The following NCOA5 variants were observed in gnomAD, a reference collection of about 807,000 sequenced individuals.
The protein encoded by NCOA5 is NCoA-5.
Under a neutral mutation model 59.0 loss-of-function variants are expected in NCOA5, and 12 were observed. The observed-to-expected ratio is 0.20, with a 90% CI of 0.13 to 0.33. The LOEUF (loss-of-function observed/expected upper bound fraction) is 0.33. NCOA5 is among the 10% of genes least tolerant of loss of function. The probability of loss-of-function intolerance (pLI) is 1.00; values close to 1 mark genes in which losing one functional copy is unlikely to be tolerated. For synonymous variants in NCOA5, 270 were observed against 275.5 expected (o/e 0.98, Z 0.20); for missense variants, 655 against 766.6 (o/e 0.85, Z 1.72).
chr20:46,084,233 G>A (rs1438448951), intron 1 of NCOA5, among the ~76,000 whole-genome samples: 1 of 152,170 alleles, frequency 6.6e-6, no homozygotes, highest in East Asian at 1.9e-4. Flanking sequence ...TTAAGTGACA[G>A]GCCACACAAT....
intron 4 of NCOA5, among the ~76,000 whole-genome samples, chr20:46,068,218 G>C (rs2084844618): frequency 6.6e-6 from 1 of 152,200 alleles, no homozygotes; most frequent in African/African-American, 2.4e-5. Flanking sequence ...ACAGGTGGTG[G>C]CCACAGTGAC....
At chr20:46,077,534 G>C (rs185819365) in intron 2 of NCOA5, among the ~76,000 whole-genome samples, 1 of 152,276 alleles carries the variant, frequency 6.6e-6, no homozygotes, top group African/African-American at 2.4e-5. Flanking sequence ...CTTATTTGTT[G>C]TTGTTGTTTT....
intron 5 of NCOA5, among the ~76,000 whole-genome samples, 173 bp downstream of exon 5, chr20:46,066,882 T>C (rs945438160): frequency 1.3e-5 from 2 of 152,234 alleles, no homozygotes; most frequent in East Asian, 1.9e-4. Flanking sequence ...ATGTCCCTTT[T>C]GGCCTCAATT....
intron 1 of NCOA5, among the ~76,000 whole-genome samples, chr20:46,081,180 G>A (rs1162380200): frequency 1.3e-5 from 2 of 152,040 alleles, no homozygotes; most frequent in Non-Finnish European, 2.9e-5. Flanking sequence ...TTCAGCAGGA[G>A]TTCATATATT....
intron 1 of NCOA5, among the ~76,000 whole-genome samples, chr20:46,085,499 T>TG (rs1380344002): frequency 6.9e-6 from 1 of 144,764 alleles, no homozygotes; most frequent in African/African-American, 2.6e-5. Flanking sequence ...ATGGAGGGGG[T>TG]GGGGGTGAAT....
chr20:46,062,391 C>T lies in NCOA5; in HGVS notation c.1649G>A (p.Ser550Asn). ...AACCAGGTGGGAGAGAGCAGGGCCACTCTGGATCAGGGTATCCAGAGCCTT... is the reference window on the plus strand; with the variant it reads ...AACCAGGTGGGAGAGAGCAGGGCCATTCTGGATCAGGGTATCCAGAGCCTT... ...VQKALDTLIQ[S>N]GPALSHLVSQ... is the part of the protein sequence containing the mutation. The change falls in exon 8 of 8, where the codon AGT becomes AAT. Residue 550 changes from serine (S) to asparagine (N), a missense_variant. This residue lies in a region of NCOA5 where 325 missense variants were observed against 353.2 expected (regional missense o/e 0.92). Transcript: ENST00000290231. 1 of 1,614,180 alleles carries T rather than the reference C, an allele frequency of 6.2e-7. No individual in the cohort carries two copies. The highest frequency in any genetic ancestry group is 8.5e-7 in the Non-Finnish European group (1 of 1,180,030).
intron 1 of NCOA5, among the ~76,000 whole-genome samples, chr20:46,084,476 A>G (rs1242585031): frequency 7.9e-5 from 12 of 152,240 alleles, no homozygotes; most frequent in Admixed American, 5.2e-4. Flanking sequence ...TACTTATTCA[A>G]TGACGACTTC....
chr20:46,074,381 C>A (rs1038648282), intron 2 of NCOA5, among the ~76,000 whole-genome samples: 7 of 152,122 alleles, frequency 4.6e-5, no homozygotes, highest in Non-Finnish European at 1.0e-4. Flanking sequence ...AATATCATCC[C>A]ACAGCACCAG....
At chr20:46,089,690 G>A (rs1338155758) in intron 1 of NCOA5, 127 bp downstream of exon 1, 5 of 152,078 alleles carry the variant, frequency 3.3e-5, no homozygotes, top group Admixed American at 2.6e-4. Context: ...CCGGAGAGGA[G>A]CCGAGACCGT....
At position 46,062,162 on chromosome 20, in the gene NCOA5, G is replaced by C. The variant is rs1037953165; in HGVS notation, c.*138C>G. 1 of 638,578 alleles carries C rather than the reference G, an allele frequency of 1.6e-6. No individual in the cohort carries two copies. Among genetic ancestry groups the C allele is most frequent in the Non-Finnish European group, 2.7e-6 (1 of 372,654 alleles). The allele number at this position is 638,578 out of a possible 1,614,324, so 39.6% of individuals were successfully genotyped here. ...GCAACACAGCCTTGGGCAGAAGAGA[G>C]AGCAGGTGGTAGAAATTGATGACAC... is the stretch of plus-strand genomic sequence containing the variant. On this transcript the variant is annotated 3_prime_UTR_variant, in exon 8 of 8. Coordinates refer to ENST00000290231, the MANE Select transcript of NCOA5 (RefSeq NM_020967.3).
chr20:46,077,217 C>T lies in NCOA5; in HGVS notation c.38+2170G>A, dbSNP rs369361474. 2.6e-5 allele frequency among the ~76,000 whole-genome samples: 4 copies of T among 152,090 alleles called. No homozygotes were observed. In the South Asian group the frequency reaches 6.2e-4, roughly 24 times the overall value. ...GGGCCACTGTGCCTGGCTAGAAGCT[C>T]ATTTTATAAGGCCCTCTCCAGTGCT... On this transcript the variant is annotated intron_variant, in intron 2 of 7. Coordinates refer to ENST00000290231, the MANE Select transcript of NCOA5 (RefSeq NM_020967.3).
At chr20:46,085,240 T>C (rs187184481) in intron 1 of NCOA5, among the ~76,000 whole-genome samples, 4 of 152,106 alleles carry the variant, frequency 2.6e-5, no homozygotes, top group African/African-American at 9.6e-5. Context: ...TTGCCCAGGC[T>C]GGTCTTGAAC....
In NCOA5 at chr20:46,063,564, T is replaced by C; in HGVS notation, c.946A>G (p.Met316Val). The C allele has an allele frequency of 6.2e-7, 1 of 1,614,176 alleles. No homozygotes were observed. Among genetic ancestry groups the C allele is most frequent in the Non-Finnish European group, 8.5e-7 (1 of 1,180,032 alleles). The part of the protein sequence containing the change: ...REEIARQAAK[M>V]ADEAILQERE... Reference sequence around the variant, plus strand: ...TCCTGCAGGATGGCTTCATCGGCCATCTTGGCTGCCTGTCTGGCAATCTCC... The same window carrying C: ...TCCTGCAGGATGGCTTCATCGGCCACCTTGGCTGCCTGTCTGGCAATCTCC... The change falls in exon 7 of 8, where the codon ATG (methionine) becomes GTG (valine). Residue 316 changes from methionine to valine, a missense_variant. Met to Val is a conservative substitution (Grantham distance 21). This residue lies in a region of NCOA5 where 325 missense variants were observed against 353.2 expected (regional missense o/e 0.92). Transcript: ENST00000290231.
At chr20:46,083,502 A>G (rs1463527434) in intron 1 of NCOA5, among the ~76,000 whole-genome samples, 1 of 152,180 alleles carries the variant, frequency 6.6e-6, no homozygotes, top group African/African-American at 2.4e-5. Flanking sequence ...AGAGTTGCAA[A>G]TAAAAGACAA....
At chr20:46,073,751 A>G (rs2084908536) in intron 2 of NCOA5, among the ~76,000 whole-genome samples, 1 of 152,034 alleles carries the variant, frequency 6.6e-6, no homozygotes. Flanking sequence ...CCACCTTCGG[A>G]GTATTATAAG....
chr20:46,072,316 C>T (rs1453995665), intron 2 of NCOA5, among the ~76,000 whole-genome samples: 1 of 152,144 alleles, frequency 6.6e-6, no homozygotes, highest in Admixed American at 6.5e-5. Context: ...TCCCTGGTTT[C>T]CCACAGTATG....
At chr20:46,068,983 T>C (rs1005118665) in intron 3 of NCOA5, among the ~76,000 whole-genome samples, 1 of 152,194 alleles carries the variant, frequency 6.6e-6, no homozygotes, top group Non-Finnish European at 1.5e-5. Flanking sequence ...ATTATTTTTT[T>C]TTTAGTAGAG....
At chr20:46,075,239 C>CA (rs1271888231) in intron 2 of NCOA5, among the ~76,000 whole-genome samples, 2 of 152,218 alleles carry the variant, frequency 1.3e-5, no homozygotes, top group Non-Finnish European at 2.9e-5. Flanking sequence ...GAAGCACTGA[C>CA]AACCTTCTCC....
At chr20:46,070,155 A>C (rs2084866053) in intron 3 of NCOA5, 55 bp downstream of exon 3, 1 of 1,406,634 alleles carries the variant, frequency 7.1e-7, no homozygotes, top group African/African-American at 1.4e-5. Flanking sequence ...TTAGTTTAGC[A>C]GAACATACAT....
Sources: allele counts gnomAD v4.1 joint callset (sites outside exome capture counted in the v4.1 genomes callset), GRCh38; gene constraint gnomAD v4.1.1; regional missense constraint gnomAD v4.1.1; transcripts MANE v1.5; gene names NCBI Gene and HGNC (gene_info 2026-07-23, HGNC 2026-07-21).